Variants in GLIS3 observed in about 807,000 individuals in gnomAD.
The protein encoded by GLIS3 is GLIS family zinc finger 3.
GLIS3 carries 53 observed loss-of-function variants against 78.6 expected under a neutral mutation model. That is an observed-to-expected ratio of 0.67 (90% CI 0.54 to 0.85). GLIS3 has a LOEUF of 0.85. Ranked by LOEUF, GLIS3 falls within the 40% of genes least tolerant of loss-of-function variation. The pLI is 0.00. For synonymous variants in GLIS3, 684 were observed against 509.9 expected, an observed-to-expected ratio of 1.34 and a Z score of -4.60; for missense variants, 1,703 against 1,231.1, an observed-to-expected ratio of 1.38 and a Z score of -5.74.
intron 9 of GLIS3, among the ~76,000 whole-genome samples, chr9:3,834,950 T>C (rs111631039): frequency 5.1e-4 from 77 of 152,286 alleles, no homozygotes; most frequent in African/African-American, 1.7e-3. Context: ...TAGCTCTCCA[T>C]GTGCACCAGG....
At chr9:4,357,144 G>T in the GLIS3 span, among the ~76,000 whole-genome samples, 4 of 152,136 alleles carry the variant, frequency 2.6e-5, no homozygotes, top group African/African-American at 9.7e-5. Context: ...AATCTTTGGG[G>T]AATAACCCTG....
At chr9:4,335,020 T>C (rs1409015130) in intron 2 of GLIS3, among the ~76,000 whole-genome samples, 1 of 147,738 alleles carries the variant, frequency 6.8e-6, no homozygotes, top group African/African-American at 2.5e-5. Context: ...GCCATTCTCC[T>C]GCCTCAGCCT....
intron 4 of GLIS3, chr9:4,054,487 G>C (rs1269586329): frequency 2.0e-6 from 2 of 985,282 alleles, no homozygotes; most frequent in African/African-American, 3.5e-5. Context: ...CAGGGCCTAC[G>C]GGTTCTGCAG....
intron 2 of GLIS3, among the ~76,000 whole-genome samples, chr9:4,179,683 G>A (rs567091943): frequency 1.3e-5 from 2 of 152,280 alleles, no homozygotes; most frequent in African/African-American, 4.8e-5. Flanking sequence ...GCTGAGGCAG[G>A]CAGATCAGCT....
intron 2 of GLIS3, among the ~76,000 whole-genome samples, chr9:4,213,591 G>A (rs778014697): frequency 1.8e-4 from 27 of 152,084 alleles, no homozygotes; most frequent in South Asian, 4.1e-4. Context: ...GCTAATTTAC[G>A]TAGCCACATG....
chr9:4,085,273 TA>T (rs1424225540), intron 4 of GLIS3, among the ~76,000 whole-genome samples: 3 of 147,142 alleles, frequency 2.0e-5, no homozygotes, highest in Admixed American at 6.9e-5. Flanking sequence ...TTTTTTTTTT[TA>T]AATCTTTCCT....
intron 2 of GLIS3, among the ~76,000 whole-genome samples, chr9:4,162,089 A>G (rs1411136266): frequency 6.6e-6 from 1 of 152,054 alleles, no homozygotes; most frequent in African/African-American, 2.4e-5. Context: ...GGTGGTTGCC[A>G]GCAACACTGA....
chr9:4,408,706 A>T, the GLIS3 span, among the ~76,000 whole-genome samples: 1 of 111,192 alleles, frequency 9.0e-6, no homozygotes, highest in Non-Finnish European at 1.7e-5. Context: ...CAGCCTGGGC[A>T]ACAGAGCCAG....
chr9:4,163,238 G>A (rs1465354595), intron 2 of GLIS3, among the ~76,000 whole-genome samples: 1 of 132,022 alleles, frequency 7.6e-6, no homozygotes, highest in East Asian at 2.5e-4. Flanking sequence ...GCACGCATGT[G>A]CACTGGCACA....
rs1171796335 is a variant in GLIS3, at chr9:4,286,107, A to G, written c.319T>C (p.Ser107Pro). The change falls in exon 2 of 11, where the codon TCA becomes CCA. Residue 107 changes from serine (S) to proline (P), a missense_variant. By Grantham distance (74) the Ser-to-Pro change is moderately conservative. Coordinates refer to ENST00000381971, the MANE Select transcript of GLIS3 (RefSeq NM_001042413.2). ...TTTGGCTTTAAAGTATGTGACCCTG[A>G]CATGCCTCCAGCCTGGGTGACCTGG... ...RFQVTQAGGM[S>P]GSHTLKPKQQ... The G allele has an allele frequency of 1.2e-6, 2 of 1,613,546 alleles. No individual in the cohort carries two copies. Among genetic ancestry groups the G allele is most frequent in the Non-Finnish European group, 1.7e-6 (2 of 1,179,490 alleles).
the GLIS3 span, among the ~76,000 whole-genome samples, chr9:4,375,763 G>A: frequency 2.6e-5 from 4 of 152,312 alleles, no homozygotes; most frequent in Non-Finnish European, 4.4e-5. Context: ...AACAGTCAGT[G>A]CGAGTGGGAA....
At chr9:3,839,583 CA>C (rs113301703) in intron 9 of GLIS3, among the ~76,000 whole-genome samples, 1,513 of 140,474 alleles carry the variant, frequency 0.011, 15 homozygotes, top group African/African-American at 0.032. Context: ...AGTTTACAGC[CA>C]AAAAAAAAAA....
At chr9:4,352,001 G>C (rs1817977849), upstream of GLIS3, among the ~76,000 whole-genome samples, 1 of 152,172 alleles carries the variant, frequency 6.6e-6, no homozygotes, top group South Asian at 2.1e-4. Flanking sequence ...TGGTTAAAAA[G>C]TAAATAAGCA....
intron 3 of GLIS3, among the ~76,000 whole-genome samples, chr9:4,125,170 C>T (rs1159020611): frequency 2.0e-5 from 3 of 152,190 alleles, no homozygotes; most frequent in Non-Finnish European, 4.4e-5. Context: ...CCTTTCCAGA[C>T]ACATCATAAA....
chr9:3,865,180 A>G (rs947426042), intron 8 of GLIS3, among the ~76,000 whole-genome samples: 1 of 152,232 alleles, frequency 6.6e-6, no homozygotes, highest in African/African-American at 2.4e-5. Flanking sequence ...TATTTCTCAG[A>G]AAAGGACACA....
chr9:4,414,322 T>C, the GLIS3 span, among the ~76,000 whole-genome samples: 1 of 152,210 alleles, frequency 6.6e-6, no homozygotes, highest in Non-Finnish European at 1.5e-5. Context: ...CCAGAGGCAT[T>C]TTTTAAGCAC....
chr9:4,428,882 C>T, the GLIS3 span, among the ~76,000 whole-genome samples: 1 of 152,158 alleles, frequency 6.6e-6, no homozygotes, highest in East Asian at 1.9e-4. Flanking sequence ...GCACCACTTC[C>T]CATTAAGGCA....
At position 4,118,977 on chromosome 9, in the gene GLIS3, C is replaced by G; in HGVS notation, c.597-96G>C. On this transcript the variant is annotated intron_variant, in intron 3 of 10. Coordinates refer to ENST00000381971, the MANE Select transcript of GLIS3 (RefSeq NM_001042413.2). The surrounding 1 kb of genome is among the most constrained non-coding windows in gnomAD (Gnocchi z 4.7). ...CTAAAAGAACACTGCATTGACAATC[C>G]CTTAAGTATTTCCCCTAATTACATT... is the stretch of plus-strand genomic sequence containing the variant. 5 of 1,282,904 alleles carry G rather than the reference C, an allele frequency of 3.9e-6. 1 individual carries two copies. Among genetic ancestry groups the G allele is most frequent in the South Asian group, 2.6e-5 (2 of 77,856 alleles). 79.5% of individuals were successfully genotyped at this position (1,282,904 alleles called of 1,614,324 possible). A position where few individuals can be genotyped will look rare whatever the true frequency, so the allele number is the denominator to read the frequency against.
the GLIS3 span, among the ~76,000 whole-genome samples, chr9:4,413,924 G>T: frequency 6.6e-6 from 1 of 152,118 alleles, no homozygotes; most frequent in Admixed American, 6.6e-5. Context: ...CCAGCTTATG[G>T]AATTTAACTA....
Sources: gnomAD v4.1 joint callset for allele counts (sites outside exome capture counted in the v4.1 genomes callset) on GRCh38, gnomAD v4.1.1 for gene constraint, Gnocchi (gnomAD v3.1) non-coding constraint, MANE v1.5 for transcripts, NCBI Gene and HGNC (gene_info 2026-07-23, HGNC 2026-07-21) for gene names.